The following TPM4 variants were observed in gnomAD, a reference collection of about 807,000 sequenced individuals.
The protein encoded by TPM4 is tropomyosin 4.
Under a neutral mutation model 35.8 loss-of-function variants are expected in TPM4, and 17 were observed. The observed-to-expected ratio is 0.47, with a 90% CI of 0.32 to 0.71. The LOEUF (loss-of-function observed/expected upper bound fraction) is 0.71, where lower values mean the gene tolerates loss of function less well. Ranked by LOEUF, TPM4 falls within the 30% of genes least tolerant of loss-of-function variation. The pLI, the probability that TPM4 is intolerant of heterozygous loss-of-function variation, is 0.03. For synonymous variants in TPM4, 120 were observed against 122.9 expected, an observed-to-expected ratio of 0.98 and a Z score of 0.15; for missense variants, 240 against 320.9, an observed-to-expected ratio of 0.75 and a Z score of 1.93.
rs376080168 is a variant in TPM4 at position 16,092,646 on chromosome 19, A to C, written c.532-890A>C. On this transcript the variant is annotated intron_variant, in intron 5 of 7. Transcript: ENST00000643579. ...CACCTCCTGGGTTTAAGCAATTCTCATGCCTTAGCCTCCTGAGTAGCTGAG... is the reference window on the plus strand; with the variant it reads ...CACCTCCTGGGTTTAAGCAATTCTCCTGCCTTAGCCTCCTGAGTAGCTGAG... Among the ~76,000 whole-genome samples, 88 of 150,598 alleles carry C rather than the reference A, an allele frequency of 5.8e-4. 1 individual carries two copies. In the South Asian group the frequency reaches 0.017, roughly 29 times the overall value.
At position 16,088,550 on chromosome 19, in the gene TPM4, G is replaced by A. The variant is rs1044705819; in HGVS notation, c.455+453G>A. 10 of 1,041,380 alleles carry A rather than the reference G, an allele frequency of 9.6e-6. No homozygotes were observed. In the African/African-American group the frequency reaches 1.0e-4, roughly 10 times the overall value. The allele number at this position is 1,041,380 out of a possible 1,614,324, so 64.5% of individuals were successfully genotyped here. The stretch of plus-strand genomic sequence containing the variant: ...AACCAGAATCCCACAAGCAAGCACC[G>A]AAAAACAAAACACCTGTCCTCTTGG... On this transcript the variant is annotated intron_variant, in intron 4 of 7. Coordinates refer to ENST00000643579, the MANE Select transcript of TPM4 (RefSeq NM_003290.3).
chr19:16,076,720 C>A (rs2090411415), intron 1 of TPM4, 23 bp downstream of exon 1: 1 of 1,315,648 alleles, frequency 7.6e-7, no homozygotes. Context: ...GCCTCGGGCC[C>A]CGCACCCGCA....
chr19:16,086,543 G>A lies in TPM4; in HGVS notation c.384+3G>A, dbSNP rs773393981. Reference sequence around the variant, plus strand: ...AGGCTGACCGCAAATACGAGGAGGTGAGTGGGGCTGGCAGATGGCGCAGCA... The same window carrying A: ...AGGCTGACCGCAAATACGAGGAGGTAAGTGGGGCTGGCAGATGGCGCAGCA... On this transcript the variant is annotated splice_donor_region_variant and intron_variant, in intron 3 of 7. Transcript: ENST00000643579. The A allele has an allele frequency of 2.7e-5, 43 of 1,610,866 alleles. No individual in the cohort carries two copies. The highest frequency in any genetic ancestry group is 3.5e-5 in the Non-Finnish European group (41 of 1,177,814).
intron 7 of TPM4, among the ~76,000 whole-genome samples, chr19:16,096,936 CTTTTTTTTTTTTTTTTTT>C (rs71178641): frequency 0.096 from 6,639 of 69,302 alleles, 472 homozygotes; most frequent in African/African-American, 0.25. Context: ...CAAGGTCACT[CTTTTTTTTTTTTTTTTTT>C]TTTTTTTTTT....
At chr19:16,076,928 G>A in intron 1 of TPM4, 3 of 932,442 alleles carry the variant, frequency 3.2e-6, no homozygotes, top group Non-Finnish European at 4.1e-6. Flanking sequence ...CCTCCGGGTC[G>A]GGCGGGGCCG....
intron 5 of TPM4, among the ~76,000 whole-genome samples, chr19:16,090,974 T>C (rs943632178): frequency 6.6e-6 from 1 of 151,880 alleles, no homozygotes; most frequent in Non-Finnish European, 1.5e-5. Context: ...GTGTAAGGAA[T>C]GAATCCAGTT....
In TPM4 at chr19:16,101,630, A is replaced by C; in HGVS notation, c.*284A>C. 1 of 345,160 alleles carries C rather than the reference A, an allele frequency of 2.9e-6. No homozygotes were observed. Among genetic ancestry groups the C allele is most frequent in the Non-Finnish European group, 5.4e-6 (1 of 185,840 alleles). The allele number at this position is 345,160 out of a possible 1,614,324, so 21.4% of individuals were successfully genotyped here. A position where few individuals can be genotyped will look rare whatever the true frequency, so the allele number is the denominator to read the frequency against. ...AGGCAGGGTATTTCCTAGTAAGCAT[A>C]CTTTCTTAAGACGGAGGCCATTTGG... is the stretch of plus-strand genomic sequence containing the variant. On this transcript the variant is annotated 3_prime_UTR_variant, in exon 8 of 8. Transcript: ENST00000643579.
In TPM4 at chr19:16,089,236, T is replaced by C. The variant is rs892232659; in HGVS notation, c.531+116T>C. On this transcript the variant is annotated intron_variant, in intron 5 of 7. Transcript: ENST00000643579. ...ATCTGCCCTTTATTTAACAGTAGCG[T>C]TGGTGCCTGGCAGCCAGGGTTTTTC... 18 of 1,370,150 alleles carry C rather than the reference T, an allele frequency of 1.3e-5. No individual in the cohort carries two copies. In the Admixed American group the frequency reaches 3.1e-4, roughly 23 times the overall value. The allele number at this position is 1,370,150 out of a possible 1,614,324, so 84.9% of individuals were successfully genotyped here. A position where few individuals can be genotyped will look rare whatever the true frequency, so the allele number is the denominator to read the frequency against.
intron 2 of TPM4, among the ~76,000 whole-genome samples, chr19:16,069,161 CAT>C (rs371197437): frequency 4.6e-5 from 7 of 152,136 alleles, no homozygotes; most frequent in South Asian, 2.1e-4. Context: ...CACCCACGCA[CAT>C]GTTTGGATGT....
intron 1 of TPM4, among the ~76,000 whole-genome samples, chr19:16,079,208 C>G (rs1394476725): frequency 2.0e-5 from 3 of 152,226 alleles, no homozygotes; most frequent in East Asian, 3.8e-4. Context: ...AAGGGCTACT[C>G]ACTTCTTAAA....
Position 16,098,920 on chromosome 19 carries a change from A to G in TPM4, c.665-2344A>G, listed in dbSNP as rs574156232. ...TTAGGTTTTCTGCAAAATAAAGGTG[A>G]TATCTCTGTTATGAGGATTAAATGA... On this transcript the variant is annotated intron_variant, in intron 7 of 7. Coordinates refer to ENST00000643579, the MANE Select transcript of TPM4 (RefSeq NM_003290.3). Among the ~76,000 whole-genome samples the G allele has an allele frequency of 1.3e-4, 20 of 152,302 alleles. No individual in the cohort carries two copies. The South Asian group carries it at 4.1e-3, about 32-fold the overall frequency.
At position 16,088,305 on chromosome 19, in the gene TPM4, G is replaced by T. The variant is rs913268098; in HGVS notation, c.455+208G>T. The T allele has an allele frequency of 2.9e-6, 4 of 1,396,110 alleles. No individual in the cohort carries two copies. The South Asian group carries it at 4.3e-5, about 15-fold the overall frequency. 86.5% of individuals were successfully genotyped at this position (1,396,110 alleles called of 1,614,324 possible). On this transcript the variant is annotated intron_variant, in intron 4 of 7. Coordinates refer to ENST00000643579, the MANE Select transcript of TPM4 (RefSeq NM_003290.3). ...CCATGGGAAGCACTGCCCACGTGTTGACCCTTTCTGCAAAGATATGAGGAA... is the reference window on the plus strand; with the variant it reads ...CCATGGGAAGCACTGCCCACGTGTTTACCCTTTCTGCAAAGATATGAGGAA...
At chr19:16,091,293 C>T (rs561187474) in intron 5 of TPM4, among the ~76,000 whole-genome samples, 78 of 152,208 alleles carry the variant, frequency 5.1e-4, no homozygotes, top group African/African-American at 1.9e-3. Context: ...CTCAAGTGAT[C>T]CACCCACCTC....
chr19:16,088,791 G>C, intron 4 of TPM4: 1 of 1,251,184 alleles, frequency 8.0e-7, no homozygotes, highest in East Asian at 4.0e-5. Flanking sequence ...CTTGGCAAAA[G>C]ACCAGGAGTG....
chr19:16,082,169 A>C, intron 2 of TPM4, 123 bp downstream of exon 2: 1 of 1,323,464 alleles, frequency 7.6e-7, no homozygotes, highest in Non-Finnish European at 1.0e-6. Flanking sequence ...GTGTCCACAA[A>C]AAAGTGCATG....
intron 2 of TPM4, among the ~76,000 whole-genome samples, chr19:16,082,990 CAAAAAA>C (rs1195606325): frequency 7.5e-3 from 472 of 62,868 alleles, no homozygotes; most frequent in African/African-American, 0.027. Context: ...GATTCTGTCT[CAAAAAA>C]AAAAAAAAAA....
rs1056017236 is a variant in TPM4 at position 16,097,727 on chromosome 19, C to T, written c.665-3537C>T. 3.3e-5 allele frequency among the ~76,000 whole-genome samples: 5 copies of T among 152,152 alleles called. No individual in the cohort carries two copies. The South Asian group carries it at 8.3e-4, about 25-fold the overall frequency. On this transcript the variant is annotated intron_variant, in intron 7 of 7. Transcript: ENST00000643579. ...TGTTCAAGCCACATCTTCCAGACTA[C>T]CCCTTGAACCTGGAAATGGCATGAA...
intron 7 of TPM4, chr19:16,100,662 A>G (rs2090753323): frequency 6.6e-6 from 1 of 152,010 alleles, no homozygotes; most frequent in South Asian, 2.1e-4. Flanking sequence ...TCTAGAAAAA[A>G]TGCAAAAATT....
rs369971262 is a variant in TPM4, at chr19:16,081,888, A to G, written c.133-25A>G. On this transcript the variant is annotated intron_variant, in intron 1 of 7. Transcript: ENST00000643579. ...GGTGGCTGGCCTGATACTTCTTAAC[A>G]TGGCTGCACCTCCGACCTCCCCAGG... 2.7e-5 allele frequency: 42 copies of G among 1,566,092 alleles called. No individual in the cohort carries two copies. The African/African-American group carries it at 3.9e-4, about 15-fold the overall frequency.
Sources: gnomAD v4.1 joint callset for allele counts (sites outside exome capture counted in the v4.1 genomes callset) on GRCh38, gnomAD v4.1.1 for gene constraint, MANE v1.5 for transcripts, NCBI Gene and HGNC (gene_info 2026-07-23, HGNC 2026-07-21) for gene names.